Variants in TXNL1 observed in about 807,000 individuals in gnomAD.
The protein encoded by TXNL1 is thioredoxin-like protein 1.
TXNL1 carries 14 observed loss-of-function variants against 35.5 expected under a neutral mutation model. That is an observed-to-expected ratio of 0.39 (90% confidence interval 0.26 to 0.62). The LOEUF is 0.62. TXNL1 is among the 20% of genes least tolerant of loss of function. The pLI is 0.47. For synonymous variants in TXNL1, 110 were observed against 115.5 expected (o/e 0.95, Z 0.31); for missense variants, 263 against 349.7 (o/e 0.75, Z 1.98).
chr18:56,605,569 TTAAAA>T (rs1476409045), intron 7 of TXNL1, among the ~76,000 whole-genome samples: 2 of 152,178 alleles, frequency 1.3e-5, no homozygotes, highest in African/African-American at 4.8e-5. Context: ...AAATTCTGTA[TTAAAA>T]TAAAGCAATC....
At chr18:56,613,788 A>G (rs1159659789) in intron 6 of TXNL1, among the ~76,000 whole-genome samples, 1 of 152,140 alleles carries the variant, frequency 6.6e-6, no homozygotes, top group African/African-American at 2.4e-5. Context: ...TCCAGCCTGG[A>G]CAACAAAGCA....
intron 1 of TXNL1, among the ~76,000 whole-genome samples, chr18:56,626,797 CTTTTTTTTTTTTT>C (rs386387792): frequency 3.6e-5 from 2 of 55,000 alleles, no homozygotes; most frequent in East Asian, 1.3e-3. Flanking sequence ...CCAAGCCGGT[CTTTTTTTTTTTTT>C]TTTTTTTTTT....
intron 1 of TXNL1, among the ~76,000 whole-genome samples, chr18:56,633,598 C>T (rs2024409997): frequency 7.9e-6 from 1 of 126,408 alleles, no homozygotes; most frequent in Non-Finnish European, 1.6e-5. Flanking sequence ...GCAGCCTGAG[C>T]AACAGAGCGA....
In TXNL1 at chr18:56,624,646, A is replaced by G. The variant is rs192713129; in HGVS notation, c.196-185T>C. 1.9e-4 allele frequency among the ~76,000 whole-genome samples: 29 copies of G among 152,306 alleles called. No homozygotes were observed. In the East Asian group the frequency reaches 5.4e-3, roughly 28 times the overall value. On this transcript the variant is annotated intron_variant, in intron 2 of 7. Transcript: ENST00000217515. The stretch of plus-strand genomic sequence containing the variant: ...AGAGTTCCCCTTTGGGCATAGCTAC[A>G]TTACCATCACACACACAATAAAGAA...
At chr18:56,621,691 C>T (rs1340310300) in intron 3 of TXNL1, among the ~76,000 whole-genome samples, 7 of 152,008 alleles carry the variant, frequency 4.6e-5, no homozygotes, top group African/African-American at 1.4e-4. Context: ...ATCCAGAATA[C>T]GCAACAGTCT....
At chr18:56,635,715 A>C (rs1037743746) in intron 1 of TXNL1, among the ~76,000 whole-genome samples, 1 of 152,154 alleles carries the variant, frequency 6.6e-6, no homozygotes, top group African/African-American at 2.4e-5. Context: ...AAGTTATAGG[A>C]AACAGTGGTG....
At chr18:56,637,210 C>T (rs185398857) in intron 1 of TXNL1, among the ~76,000 whole-genome samples, 81 of 152,194 alleles carry the variant, frequency 5.3e-4, no homozygotes, top group Admixed American at 1.5e-3. Context: ...CTAATGCCAC[C>T]ATTTATATAC....
intron 1 of TXNL1, 23 bp downstream of exon 1, chr18:56,638,320 A>G: frequency 1.3e-6 from 2 of 1,596,194 alleles, no homozygotes; most frequent in Non-Finnish European, 1.7e-6. Flanking sequence ...ACGGGGACCC[A>G]CAGAGCTCGA....
chr18:56,614,605 T>C lies in TXNL1; in HGVS notation c.563-9A>G. 6.2e-7 allele frequency: 1 copy of C among 1,600,828 alleles called. No homozygotes were observed. The highest frequency in any genetic ancestry group is 2.2e-5 in the East Asian group (1 of 44,710). Reference sequence around the variant, plus strand: ...ATATTTAGGGCCCTGACCTATACAATGGTAGAATAAAATAAAATGTTTAAA... The same window carrying C: ...ATATTTAGGGCCCTGACCTATACAACGGTAGAATAAAATAAAATGTTTAAA... On this transcript the variant is annotated splice_polypyrimidine_tract_variant and intron_variant, in intron 5 of 7. Coordinates refer to ENST00000217515, the MANE Select transcript of TXNL1 (RefSeq NM_004786.3).
rs2023808930 is a variant in TXNL1, at chr18:56,601,418, A to C, written c.*1609T>G. On this transcript the variant is annotated 3_prime_UTR_variant, in exon 8 of 8. Coordinates refer to ENST00000217515, the MANE Select transcript of TXNL1 (RefSeq NM_004786.3). ...AAATAGGAAAAGGTCAGCAATACTTAGGATGAGGCACTTTAACAATTACTC... is the reference window on the plus strand; with the variant it reads ...AAATAGGAAAAGGTCAGCAATACTTCGGATGAGGCACTTTAACAATTACTC... 1 of 152,226 alleles carries C rather than the reference A, an allele frequency of 6.6e-6. No homozygotes were observed. The highest frequency in any genetic ancestry group is 2.4e-5 in the African/African-American group (1 of 41,474). 9.4% of individuals were successfully genotyped at this position (152,226 alleles called of 1,614,324 possible).
chr18:56,609,823 A>G (rs1193102221), intron 7 of TXNL1: 2 of 152,238 alleles, frequency 1.3e-5, no homozygotes, highest in East Asian at 3.8e-4. Context: ...ACATCTAGAC[A>G]TAACAGCTCT....
At chr18:56,615,319 G>A (rs978064864) in intron 5 of TXNL1, among the ~76,000 whole-genome samples, 7 of 141,538 alleles carry the variant, frequency 4.9e-5, no homozygotes, top group Non-Finnish European at 6.1e-5. Context: ...TTATTAACAT[G>A]AAAATTTAGC....
rs186255005 is a variant in TXNL1 at position 56,602,771 on chromosome 18, C to A, written c.*256G>T. ...AGTCTCTACTAAAATCAGAAGTTAA[C>A]CAGTTTTCAAATACATGGAAAGAGA... is the stretch of plus-strand genomic sequence containing the variant. On this transcript the variant is annotated 3_prime_UTR_variant, in exon 8 of 8. Coordinates refer to ENST00000217515, the MANE Select transcript of TXNL1 (RefSeq NM_004786.3). The A allele has an allele frequency of 9.0e-6, 5 of 554,496 alleles. No homozygotes were observed. Among genetic ancestry groups the A allele is most frequent in the African/African-American group, 5.7e-5 (3 of 52,398 alleles). The allele number at this position is 554,496 out of a possible 1,614,324, so 34.3% of individuals were successfully genotyped here.
In TXNL1 at chr18:56,601,199, G is replaced by C. The variant is rs1428828381; in HGVS notation, c.*1828C>G. 2 of 152,070 alleles carry C rather than the reference G, an allele frequency of 1.3e-5. No individual in the cohort carries two copies. The highest frequency in any genetic ancestry group is 4.8e-5 in the African/African-American group (2 of 41,402). 9.4% of individuals were successfully genotyped at this position (152,070 alleles called of 1,614,324 possible). ...ATGCCAATTATGCACATTTATAATA[G>C]TAAGATTTCCCATTAAGTGAAACGT... On this transcript the variant is annotated 3_prime_UTR_variant, in exon 8 of 8. Coordinates refer to ENST00000217515, the MANE Select transcript of TXNL1 (RefSeq NM_004786.3).
In TXNL1 at chr18:56,602,863, G is replaced by GT; in HGVS notation, c.*163dup. Reference sequence around the variant, plus strand: ...TGGTGACTTTTATTTACAATTGCATGTGTCAAGATTACAATGGAAACACTA... The same window carrying GT: ...TGGTGACTTTTATTTACAATTGCATGTTGTCAAGATTACAATGGAAACACTA... On this transcript the variant is annotated 3_prime_UTR_variant, in exon 8 of 8. Coordinates refer to ENST00000217515, the MANE Select transcript of TXNL1 (RefSeq NM_004786.3). 2.7e-6 allele frequency: 2 copies of GT among 753,046 alleles called. No individual in the cohort carries two copies. Among genetic ancestry groups the GT allele is most frequent in the Non-Finnish European group, 4.4e-6 (2 of 454,476 alleles). The allele number at this position is 753,046 out of a possible 1,614,324, so 46.6% of individuals were successfully genotyped here.
rs1203922601 is a variant in TXNL1, at chr18:56,599,992, CAT to C, written c.*3033_*3034del. 1 of 152,118 alleles carries C rather than the reference CAT, an allele frequency of 6.6e-6. No homozygotes were observed. Among genetic ancestry groups the C allele is most frequent in the African/African-American group, 2.4e-5 (1 of 41,428 alleles). The allele number at this position is 152,118 out of a possible 1,614,324, so 9.4% of individuals were successfully genotyped here. A position where few individuals can be genotyped will look rare whatever the true frequency, so the allele number is the denominator to read the frequency against. On this transcript the variant is annotated 3_prime_UTR_variant, in exon 8 of 8. Coordinates refer to ENST00000217515, the MANE Select transcript of TXNL1 (RefSeq NM_004786.3). ...ACTATATGAGTATCAATACAAGCAA[CAT>C]GAGTAAGCCTTAAATTTCATGTTTT...
At chr18:56,634,049 G>C (rs2024419275) in intron 1 of TXNL1, among the ~76,000 whole-genome samples, 2 of 150,770 alleles carry the variant, frequency 1.3e-5, no homozygotes, top group African/African-American at 2.4e-5. Context: ...GGGAGACCAG[G>C]GACAACGAAC....
chr18:56,633,984 A>C (rs1280670248), intron 1 of TXNL1, among the ~76,000 whole-genome samples: 1 of 15,888 alleles, frequency 6.3e-5, no homozygotes, highest in Non-Finnish European at 6.5e-4. Context: ...ACTCCATCTC[A>C]AAAAAAAAAA....
chr18:56,604,776 G>A (rs182981413), intron 7 of TXNL1, among the ~76,000 whole-genome samples: 8 of 152,154 alleles, frequency 5.3e-5, no homozygotes, highest in East Asian at 1.9e-4. Flanking sequence ...ACATTCCAAC[G>A]AGGAAAAGAA....
Sources: allele counts gnomAD v4.1 joint callset (sites outside exome capture counted in the v4.1 genomes callset), GRCh38; gene constraint gnomAD v4.1.1; transcripts MANE v1.5; gene names NCBI Gene and HGNC (gene_info 2026-07-23, HGNC 2026-07-21).